Variants in TP63 observed in about 807,000 individuals in gnomAD.
TP63 encodes the protein tumor protein p63, also known as tumor protein 63.
In TP63, 17 loss-of-function variants were observed where a neutral mutation model predicts 82.8. That is an observed-to-expected ratio of 0.21 (90% confidence interval 0.14 to 0.31). The LOEUF (loss-of-function observed/expected upper bound fraction) is 0.31, where lower values mean the gene tolerates loss of function less well. Among genes scored for constraint, TP63 ranks in the 10% least tolerant of loss-of-function variants. TP63 has a pLI of 1.00. For synonymous variants in TP63, 330 were observed against 321.7 expected (o/e 1.03, Z -0.28); for missense variants, 648 against 895.3 (o/e 0.72, Z 3.52).
At chr3:189,728,228 C>T (rs1577313246) in intron 1 of TP63, among the ~76,000 whole-genome samples, 1 of 151,068 alleles carries the variant, frequency 6.6e-6, no homozygotes, top group East Asian at 1.9e-4. Context: ...CTAGTTTTTC[C>T]CTTCTACGGA....
At chr3:189,851,883 G>T (rs1715682766) in intron 4 of TP63, among the ~76,000 whole-genome samples, 1 of 152,166 alleles carries the variant, frequency 6.6e-6, no homozygotes, top group African/African-American at 2.4e-5. Flanking sequence ...GGAGAGATTT[G>T]TCTTGGAGCA....
chr3:189,651,103 G>A (rs1577177393), intron 1 of TP63, among the ~76,000 whole-genome samples: 2 of 147,576 alleles, frequency 1.4e-5, no homozygotes, highest in South Asian at 4.4e-4. Flanking sequence ...GCAGCATTTT[G>A]CCCTGCCCTA....
chr3:189,888,948 C>T (rs1720737936), intron 11 of TP63, among the ~76,000 whole-genome samples: 2 of 152,192 alleles, frequency 1.3e-5, no homozygotes, highest in African/African-American at 4.8e-5. Context: ...GTGCTAGGGA[C>T]TGTAGGGATC....
chr3:189,795,765 T>C (rs1475303724), intron 3 of TP63, among the ~76,000 whole-genome samples: 1 of 152,072 alleles, frequency 6.6e-6, no homozygotes, highest in Non-Finnish European at 1.5e-5. Flanking sequence ...GTGTGACCAG[T>C]GTTCAGAATT....
intron 2 of TP63, 150 bp downstream of exon 2, chr3:189,738,018 A>G (rs565172897): frequency 1.0e-6 from 1 of 983,522 alleles, no homozygotes; most frequent in East Asian, 2.7e-5. Flanking sequence ...TCTTTGTTCA[A>G]ATTCAGTGGT....
At chr3:189,742,243 CAAAAAAAAAA>C (rs140413709) in intron 3 of TP63, among the ~76,000 whole-genome samples, 1 of 77,620 alleles carries the variant, frequency 1.3e-5, no homozygotes, top group Non-Finnish European at 2.4e-5. Flanking sequence ...AACTCCATCC[CAAAAAAAAAA>C]AAAAAAAAAA....
intron 10 of TP63, among the ~76,000 whole-genome samples, chr3:189,876,481 T>A (rs1485545166): frequency 6.6e-6 from 1 of 152,214 alleles, no homozygotes; most frequent in Admixed American, 6.5e-5. Context: ...TTTGCATGTG[T>A]GGCCACAGAT....
rs35969817 is a variant in TP63 at position 189,896,504 on chromosome 3, T to G, written c.*2002T>G. ...GAGAATGAGTCCTTGATTTCAAAGT[T>G]TTGTTGTACTTAAATGGTAATAAGC... On this transcript the variant is annotated 3_prime_UTR_variant, in exon 14 of 14. Coordinates refer to ENST00000264731, the MANE Select transcript of TP63 (RefSeq NM_003722.5). The G allele has an allele frequency of 5.2e-3, 1,086 of 206,928 alleles. 8 individuals are homozygous for G. The highest frequency in any genetic ancestry group is 0.016 in the Middle Eastern group (10 of 630). The allele number at this position is 206,928 out of a possible 1,614,324, so 12.8% of individuals were successfully genotyped here. A position where few individuals can be genotyped will look rare whatever the true frequency, so the allele number is the denominator to read the frequency against.
At chr3:189,758,276 A>G (rs776264023) in intron 3 of TP63, among the ~76,000 whole-genome samples, 6 of 152,164 alleles carry the variant, frequency 3.9e-5, no homozygotes, top group Non-Finnish European at 8.8e-5. Flanking sequence ...TCCAGTGGTA[A>G]TGCTCACTGG....
rs971640884 is a variant in TP63 at position 189,768,288 on chromosome 3, G to T, written c.324+29514G>T. On this transcript the variant is annotated intron_variant, in intron 3 of 13. Transcript: ENST00000264731. ...TTTTCTTTACTATTTACTTTTTTAGGTCAGTCATTGAACACAAGGGGCTGT... is the reference window on the plus strand; with the variant it reads ...TTTTCTTTACTATTTACTTTTTTAGTTCAGTCATTGAACACAAGGGGCTGT... 3.9e-5 allele frequency among the ~76,000 whole-genome samples: 6 copies of T among 151,996 alleles called. No individual in the cohort carries two copies. In the South Asian group the frequency reaches 1.0e-3, roughly 26 times the overall value.
intron 9 of TP63, among the ~76,000 whole-genome samples, chr3:189,872,626 T>C (rs984618483): frequency 1.3e-5 from 2 of 152,070 alleles, no homozygotes. Flanking sequence ...TGACAGAGCA[T>C]CTCCTTGTTC....
intron 11 of TP63, among the ~76,000 whole-genome samples, chr3:189,887,856 G>GTTTTT (rs397874442): frequency 8.0e-6 from 1 of 125,642 alleles, no homozygotes; most frequent in African/African-American, 2.9e-5. Flanking sequence ...CATTGTTTTG[G>GTTTTT]TTTTTTTTTT....
rs1029040016 is a variant in TP63 at position 189,895,404 on chromosome 3, T to C, written c.*902T>C. ...CAGATACCTTATCTTACAATATTGA[T>C]TGGGAAAACATTTGCTGCCATTACA... is the stretch of plus-strand genomic sequence containing the variant. On this transcript the variant is annotated 3_prime_UTR_variant, in exon 14 of 14. Transcript: ENST00000264731. 9.2e-6 allele frequency: 2 copies of C among 217,030 alleles called. No homozygotes were observed. Among genetic ancestry groups the C allele is most frequent in the Non-Finnish European group, 1.9e-5 (2 of 107,958 alleles). 13.4% of individuals were successfully genotyped at this position (217,030 alleles called of 1,614,324 possible). A position where few individuals can be genotyped will look rare whatever the true frequency, so the allele number is the denominator to read the frequency against.
intron 1 of TP63, among the ~76,000 whole-genome samples, chr3:189,673,603 A>C (rs1171059250): frequency 6.6e-6 from 1 of 152,148 alleles, no homozygotes; most frequent in African/African-American, 2.4e-5. Context: ...CATAGCATTA[A>C]AATAACACCA....
chr3:189,780,463 G>T (rs1202180267), intron 3 of TP63, among the ~76,000 whole-genome samples: 1 of 152,106 alleles, frequency 6.6e-6, no homozygotes, highest in Non-Finnish European at 1.5e-5. Context: ...AGTTGGATTT[G>T]GTTTTTCACT....
intron 1 of TP63, among the ~76,000 whole-genome samples, chr3:189,678,578 G>A (rs1227865570): frequency 1.3e-5 from 2 of 151,836 alleles, no homozygotes; most frequent in African/African-American, 4.8e-5. Context: ...CTCTTTTTCA[G>A]TTTCATATAA....
chr3:189,833,678 CT>C (rs10587481), intron 4 of TP63, among the ~76,000 whole-genome samples: 74,224 of 147,042 alleles, frequency 0.5, 18,554 homozygotes, highest in East Asian at 0.6. Context: ...TTCTCTCTCT[CT>C]TTTTTTTTTT....
intron 3 of TP63, among the ~76,000 whole-genome samples, chr3:189,767,821 G>C (rs965168807): frequency 6.6e-6 from 1 of 152,116 alleles, no homozygotes; most frequent in East Asian, 1.9e-4. Flanking sequence ...AGAGACAAAA[G>C]AGCTACCTTA....
chr3:189,607,713 T>C, the TP63 span, among the ~76,000 whole-genome samples: 1 of 152,116 alleles, frequency 6.6e-6, no homozygotes, highest in East Asian at 1.9e-4. Flanking sequence ...AAAATTATCG[T>C]ACATATAAAA....
Sources: allele counts gnomAD v4.1 joint callset (sites outside exome capture counted in the v4.1 genomes callset), GRCh38; gene constraint gnomAD v4.1.1; transcripts MANE v1.5; gene names NCBI Gene and HGNC (gene_info 2026-07-23, HGNC 2026-07-21).